MEAF6: variants seen among roughly 807,000 people sequenced by gnomAD.
The protein encoded by MEAF6 is chromatin modification-related protein MEAF6.
Under a neutral mutation model 28.9 loss-of-function variants are expected in MEAF6, and 15 were observed. The ratio of observed to expected loss-of-function variants is 0.52; its 90% CI spans 0.35 to 0.80. The LOEUF (loss-of-function observed/expected upper bound fraction) is 0.80. MEAF6 is among the 30% of genes least tolerant of loss of function. The pLI is 0.01. For missense variants in MEAF6, 178 were observed against 237.5 expected, an observed-to-expected ratio of 0.75 and a Z score of 1.65; for synonymous variants, 97 against 88.7, an observed-to-expected ratio of 1.09 and a Z score of -0.53.
intron 6 of MEAF6, among the ~76,000 whole-genome samples, chr1:37,494,367 T>C (rs1339037681): frequency 6.7e-6 from 1 of 150,104 alleles, no homozygotes; most frequent in African/African-American, 2.5e-5. Context: ...TACAAAACAT[T>C]GGCCAGACAT....
intron 4 of MEAF6, among the ~76,000 whole-genome samples, chr1:37,502,489 G>A (rs903983391): frequency 6.6e-6 from 1 of 151,574 alleles, no homozygotes; most frequent in African/African-American, 2.4e-5. Flanking sequence ...AAAAAAAGGG[G>A]GGGCCAAAGA....
intron 4 of MEAF6, among the ~76,000 whole-genome samples, chr1:37,507,843 G>T (rs1334947985): frequency 6.7e-6 from 1 of 148,842 alleles, no homozygotes. Flanking sequence ...AAAAAAAGAC[G>T]AAATGCAGAA....
chr1:37,509,492 T>G lies in MEAF6; in HGVS notation c.257A>C (p.Glu86Ala). The change falls in exon 3 of 7, where the codon GAG (glutamate) becomes GCG (alanine). Residue 86 changes from glutamate to alanine, a missense_variant. This residue lies in a region of MEAF6 where 124 missense variants were observed against 200.5 expected (regional missense o/e 0.62). Transcript: ENST00000296214. ...DRRNRKFKEA[E>A]RLFSKSSVTS... ...AACCGAGGATTTACTGAAGAGCCGC[T>G]CAGCTTCCTTAAACTTCCGGTTCCT... is the stretch of plus-strand genomic sequence containing the variant. 1 of 1,614,160 alleles carries G rather than the reference T, an allele frequency of 6.2e-7. No homozygotes were observed. The highest frequency in any genetic ancestry group is 8.5e-7 in the Non-Finnish European group (1 of 1,180,022).
intron 6 of MEAF6, among the ~76,000 whole-genome samples, chr1:37,494,557 G>A (rs1453006533): frequency 6.7e-6 from 1 of 149,362 alleles, no homozygotes; most frequent in East Asian, 2.0e-4. Flanking sequence ...CAGGCCAGGC[G>A]TGGTGGCTCA....
chr1:37,513,601 A>G (rs1387761957), intron 1 of MEAF6, 63 bp from the exon 2 acceptor site: 3 of 1,289,340 alleles, frequency 2.3e-6, no homozygotes, highest in Non-Finnish European at 2.3e-6. Context: ...AAGTCTGGCC[A>G]AAATGAAATC....
At chr1:37,503,912 T>C (rs563620398) in intron 4 of MEAF6, among the ~76,000 whole-genome samples, 29 of 152,246 alleles carry the variant, frequency 1.9e-4, no homozygotes, top group African/African-American at 4.6e-4. Context: ...TGAGCCAAGA[T>C]TGCATAAGCC....
Position 37,491,734 on chromosome 1 carries a change from TATA to T in MEAF6, c.*2362_*2364del, listed in dbSNP as rs1385243690. ...AATAAATAAATAAATAAATAAAATA[TATA>T]AATACTTAAATAATCTTTTTAAGAG... is the stretch of plus-strand genomic sequence containing the variant. On this transcript the variant is annotated 3_prime_UTR_variant, in exon 7 of 7. Coordinates refer to ENST00000296214, the MANE Select transcript of MEAF6 (RefSeq NM_001270875.3). Among the ~76,000 whole-genome samples the T allele has an allele frequency of 7.6e-6, 1 of 132,068 alleles. No homozygotes were observed. Among genetic ancestry groups the T allele is most frequent in the African/African-American group, 2.7e-5 (1 of 37,720 alleles). 86.6% of individuals were successfully genotyped at this position (132,068 alleles called of 152,430 possible).
At position 37,492,833 on chromosome 1, in the gene MEAF6, A is replaced by G. The variant is rs1641982369; in HGVS notation, c.*1266T>C. 6.6e-6 allele frequency: 1 copy of G among 152,356 alleles called. No homozygotes were observed. Among genetic ancestry groups the G allele is most frequent in the Non-Finnish European group, 1.5e-5 (1 of 68,046 alleles). 9.4% of individuals were successfully genotyped at this position (152,356 alleles called of 1,614,324 possible). A position where few individuals can be genotyped will look rare whatever the true frequency, so the allele number is the denominator to read the frequency against. On this transcript the variant is annotated 3_prime_UTR_variant, in exon 7 of 7. Transcript: ENST00000296214. Reference sequence around the variant, plus strand: ...TGTAAATTAAACCATTCAGTCTTCTAATGTAGTGGTTCTCAACCTGGCTTC... The same window carrying G: ...TGTAAATTAAACCATTCAGTCTTCTGATGTAGTGGTTCTCAACCTGGCTTC...
In MEAF6 at chr1:37,502,134, GAAGA is replaced by G. The variant is rs1642327661; in HGVS notation, c.341-142_341-139del. 5 of 483,906 alleles carry G rather than the reference GAAGA, an allele frequency of 1.0e-5. No homozygotes were observed. In the Admixed American group the frequency reaches 1.8e-4, roughly 17 times the overall value. The allele number at this position is 483,906 out of a possible 1,614,324, so 30.0% of individuals were successfully genotyped here. On this transcript the variant is annotated intron_variant, in intron 4 of 6. Coordinates refer to ENST00000296214, the MANE Select transcript of MEAF6 (RefSeq NM_001270875.3). ...GACAGAGAAGATACATGTTGACAGAGAAGATACATGTTGACAGAGAAGATACATA... is the reference window on the plus strand; with the variant it reads ...GACAGAGAAGATACATGTTGACAGAGTACATGTTGACAGAGAAGATACATA...
At chr1:37,512,529 T>C (rs1221852267) in intron 2 of MEAF6, among the ~76,000 whole-genome samples, 2 of 152,174 alleles carry the variant, frequency 1.3e-5, no homozygotes, top group African/African-American at 2.4e-5. Flanking sequence ...TCTAAAAGTT[T>C]AGAAATTTTT....
chr1:37,511,543 G>C (rs934116957), intron 2 of MEAF6, among the ~76,000 whole-genome samples: 3 of 152,136 alleles, frequency 2.0e-5, no homozygotes, highest in African/African-American at 7.2e-5. Flanking sequence ...GGGAAAAAAT[G>C]AACTTTTATA....
In MEAF6 at chr1:37,514,763, C is replaced by G. The variant is rs753488206; in HGVS notation, c.-17G>C. ...CATCGCCATGTTGGGCTGAGGCGGG[C>G]GGCGGCGGCGCGAGGTTGGGGGCGG... On this transcript the variant is annotated 5_prime_UTR_variant, in exon 1 of 7. Coordinates refer to ENST00000296214, the MANE Select transcript of MEAF6 (RefSeq NM_001270875.3). 2.2e-6 allele frequency: 3 copies of G among 1,362,716 alleles called. No homozygotes were observed. Among genetic ancestry groups the G allele is most frequent in the Admixed American group, 2.6e-5 (1 of 38,794 alleles). 84.4% of individuals were successfully genotyped at this position (1,362,716 alleles called of 1,614,324 possible). A position where few individuals can be genotyped will look rare whatever the true frequency, so the allele number is the denominator to read the frequency against.
chr1:37,496,495 C>A, intron 5 of MEAF6: 2 of 943,172 alleles, frequency 2.1e-6, no homozygotes, highest in Non-Finnish European at 2.9e-6. Context: ...AATTAAAATG[C>A]ATAAAAGTGA....
At chr1:37,509,641 T>G (rs899603732) in intron 2 of MEAF6, 99 bp from the exon 3 acceptor site, 6 of 1,031,952 alleles carry the variant, frequency 5.8e-6, no homozygotes, top group Non-Finnish European at 8.7e-6. Flanking sequence ...AGCTTCCATG[T>G]CACTCAGACT....
chr1:37,514,502 C>T, intron 1 of MEAF6, 155 bp downstream of exon 1: 1 of 427,510 alleles, frequency 2.3e-6, no homozygotes, highest in East Asian at 4.2e-5. Flanking sequence ...CGCCGGCGGG[C>T]CGCAGAATGC....
rs1256992246 is a variant in MEAF6 at position 37,496,857 on chromosome 1, C to T, written c.534-939G>A. 2.8e-6 allele frequency: 3 copies of T among 1,058,128 alleles called. No individual in the cohort carries two copies. The African/African-American group carries it at 5.0e-5, about 17-fold the overall frequency. 65.5% of individuals were successfully genotyped at this position (1,058,128 alleles called of 1,614,324 possible). On this transcript the variant is annotated intron_variant, in intron 5 of 6. Coordinates refer to ENST00000296214, the MANE Select transcript of MEAF6 (RefSeq NM_001270875.3). ...CAAAATCAGCTTTAAGAATCTTAAG[C>T]AACAAAGTATCAAACATCAAAGCAC...
chr1:37,495,687 AAAAAAAAAACAAAAAAC>A (rs1557603799), intron 6 of MEAF6, among the ~76,000 whole-genome samples, 181 bp downstream of exon 6: 11 of 118,798 alleles, frequency 9.3e-5, no homozygotes, highest in African/African-American at 2.3e-4. Flanking sequence ...TGTCTCTCAA[AAAAAAAAAACAAAAAAC>A]AAAAAAAAAA....
intron 5 of MEAF6, among the ~76,000 whole-genome samples, chr1:37,498,991 C>G (rs941202517): frequency 1.3e-5 from 2 of 151,880 alleles, no homozygotes; most frequent in African/African-American, 4.8e-5. Context: ...CTCTACAAAA[C>G]AATACAGAAA....
intron 4 of MEAF6, among the ~76,000 whole-genome samples, chr1:37,507,739 G>A (rs1013290938): frequency 6.6e-6 from 1 of 151,910 alleles, no homozygotes; most frequent in Non-Finnish European, 1.5e-5. Flanking sequence ...CCAGCACTTT[G>A]GGAGGCCCCT....
Sources: gnomAD v4.1 joint callset for allele counts (sites outside exome capture counted in the v4.1 genomes callset) on GRCh38, gnomAD v4.1.1 for gene constraint, gnomAD v4.1.1 regional missense constraint, MANE v1.5 for transcripts, NCBI Gene and HGNC (gene_info 2026-07-23, HGNC 2026-07-21) for gene names.